The following BCKDHB variants were observed in gnomAD, a reference collection of about 807,000 sequenced individuals.
BCKDHB encodes the protein 2-oxoisovalerate dehydrogenase subunit beta, mitochondrial.
In BCKDHB, 41 loss-of-function variants were observed where a neutral mutation model predicts 48.5. The ratio of observed to expected loss-of-function variants is 0.85; its 90% CI spans 0.66 to 1.10. The LOEUF is 1.10. Among genes scored for constraint, BCKDHB ranks in the 50% least tolerant of loss-of-function variants. The pLI is 0.00. For missense variants in BCKDHB, 496 were observed against 494.2 expected (o/e 1.00, Z -0.03); for synonymous variants, 201 against 174.8 (o/e 1.15, Z -1.18).
the BCKDHB span, among the ~76,000 whole-genome samples, chr6:80,384,742 A>C: frequency 4.6e-5 from 7 of 152,132 alleles, no homozygotes; most frequent in Admixed American, 3.3e-4. Context: ...TGATCATGTA[A>C]GTCAATACTC....
intron 6 of BCKDHB, among the ~76,000 whole-genome samples, chr6:80,187,300 T>G (rs1449031028): frequency 1.3e-5 from 2 of 152,230 alleles, no homozygotes; most frequent in Non-Finnish European, 2.9e-5. Flanking sequence ...TACATTTTAA[T>G]GGTGTTATTA....
At chr6:80,232,076 G>A (rs966098715) in intron 8 of BCKDHB, among the ~76,000 whole-genome samples, 3 of 152,178 alleles carry the variant, frequency 2.0e-5, no homozygotes, top group African/African-American at 4.8e-5. Flanking sequence ...CGTCATTACA[G>A]CATAATCTTT....
chr6:80,337,027 C>T (rs1394904805), intron 9 of BCKDHB, among the ~76,000 whole-genome samples: 2 of 151,932 alleles, frequency 1.3e-5, no homozygotes, highest in African/African-American at 2.4e-5. Context: ...ATTTTACATT[C>T]GTAAAGTTCT....
chr6:80,312,599 G>A (rs1464689868), intron 9 of BCKDHB, among the ~76,000 whole-genome samples: 1 of 152,136 alleles, frequency 6.6e-6, no homozygotes, highest in African/African-American at 2.4e-5. Context: ...CTAGAGGTAT[G>A]TTCCTTCAGT....
the BCKDHB span, among the ~76,000 whole-genome samples, chr6:80,390,213 AC>A: frequency 6.6e-6 from 1 of 152,200 alleles, no homozygotes; most frequent in Non-Finnish European, 1.5e-5. Flanking sequence ...GGCATCTCTT[AC>A]TATTACCATG....
At chr6:80,365,893 G>C in the BCKDHB span, among the ~76,000 whole-genome samples, 32 of 152,140 alleles carry the variant, frequency 2.1e-4, no homozygotes, top group African/African-American at 7.7e-4. Flanking sequence ...TGCAACAGTT[G>C]GGCCCAGGAA....
intron 8 of BCKDHB, among the ~76,000 whole-genome samples, chr6:80,249,299 C>T (rs1383716433): frequency 1.3e-5 from 2 of 151,976 alleles, no homozygotes; most frequent in African/African-American, 4.8e-5. Flanking sequence ...TTGGGAGGAG[C>T]CACATTAACT....
intron 9 of BCKDHB, among the ~76,000 whole-genome samples, chr6:80,313,403 C>T (rs1242570835): frequency 1.3e-5 from 2 of 152,130 alleles, no homozygotes; most frequent in Admixed American, 6.6e-5. Flanking sequence ...CTTTGTCACC[C>T]AGGCTGGAGT....
the BCKDHB span, among the ~76,000 whole-genome samples, chr6:80,363,938 C>G: frequency 6.6e-6 from 1 of 152,114 alleles, no homozygotes; most frequent in Non-Finnish European, 1.5e-5. Flanking sequence ...TGCAGTGAAC[C>G]CCGGGCTACT....
chr6:80,120,085 C>A (rs1769924030), intron 1 of BCKDHB, among the ~76,000 whole-genome samples: 1 of 152,104 alleles, frequency 6.6e-6, no homozygotes, highest in Admixed American at 6.5e-5. Flanking sequence ...TTGTTCATTT[C>A]CCACTTATGA....
intron 8 of BCKDHB, among the ~76,000 whole-genome samples, chr6:80,246,241 A>T (rs1353753322): frequency 6.6e-6 from 1 of 152,178 alleles, no homozygotes; most frequent in Non-Finnish European, 1.5e-5. Flanking sequence ...ATATGCAGAA[A>T]TGTGAGTTTC....
chr6:80,461,796 G>T, the BCKDHB span, among the ~76,000 whole-genome samples: 2 of 151,994 alleles, frequency 1.3e-5, no homozygotes, highest in Admixed American at 1.3e-4. Flanking sequence ...CTCATTGTTT[G>T]TCTGGCTTCT....
At chr6:80,301,246 G>C (rs895582746) in intron 9 of BCKDHB, among the ~76,000 whole-genome samples, 5 of 151,964 alleles carry the variant, frequency 3.3e-5, no homozygotes, top group African/African-American at 4.8e-5. Context: ...ATGAAACCAA[G>C]AGGTCGTTCT....
At chr6:80,391,475 G>C in the BCKDHB span, among the ~76,000 whole-genome samples, 3 of 152,144 alleles carry the variant, frequency 2.0e-5, no homozygotes, top group African/African-American at 7.2e-5. Context: ...AGAGATTGGA[G>C]TGATGCAACT....
chr6:80,313,669 C>T (rs1005291008), intron 9 of BCKDHB, among the ~76,000 whole-genome samples: 5 of 152,072 alleles, frequency 3.3e-5, no homozygotes, highest in East Asian at 1.9e-4. Flanking sequence ...CCTGAGCCAC[C>T]GCGCCTGACC....
chr6:80,420,673 G>A, the BCKDHB span, among the ~76,000 whole-genome samples: 6 of 152,250 alleles, frequency 3.9e-5, no homozygotes, highest in South Asian at 2.1e-4. Flanking sequence ...AAGATTCATG[G>A]CCAGCTGTTG....
At chr6:80,176,072 C>G (rs1479805829) in intron 6 of BCKDHB, among the ~76,000 whole-genome samples, 1 of 152,068 alleles carries the variant, frequency 6.6e-6, no homozygotes, top group African/African-American at 2.4e-5. Flanking sequence ...TTTGAATAGC[C>G]TGTTTATATG....
rs141252549 is a variant in BCKDHB, at chr6:80,213,005, A to AT, written c.951+9795dup. Among the ~76,000 whole-genome samples the AT allele has an allele frequency of 6.9e-3, 1,051 of 152,324 alleles. 8 individuals are homozygous for AT. Among genetic ancestry groups the AT allele is most frequent in the African/African-American group, 0.024 (991 of 41,578 alleles). On this transcript the variant is annotated intron_variant, in intron 8 of 9. Transcript: ENST00000320393. ...GAAATTTTTGTCTTTTGGTTCAAAA[A>AT]TTCCCAGTACCTGCAACAATGACTG...
At chr6:80,168,840 T>C in intron 4 of BCKDHB, 35 bp from the exon 5 acceptor site, 1 of 1,595,606 alleles carries the variant, frequency 6.3e-7, no homozygotes, top group East Asian at 2.3e-5. Flanking sequence ...GAAGGACTCA[T>C]TGTGCCATGC....
Sources: gnomAD v4.1 joint callset for allele counts (sites outside exome capture counted in the v4.1 genomes callset) on GRCh38, gnomAD v4.1.1 for gene constraint, MANE v1.5 for transcripts, NCBI Gene and HGNC (gene_info 2026-07-23, HGNC 2026-07-21) for gene names.